Variants in CNTN3 observed in about 807,000 individuals in gnomAD.
The protein encoded by CNTN3 is contactin-3.
In CNTN3, 60 loss-of-function variants were observed where a neutral mutation model predicts 119.1. The ratio of observed to expected loss-of-function variants is 0.50; its 90% CI spans 0.41 to 0.62. The LOEUF is 0.62. Ranked by LOEUF, CNTN3 falls within the 20% of genes least tolerant of loss-of-function variation. The pLI, the probability that CNTN3 is intolerant of heterozygous loss-of-function variation, is 0.00. For missense variants in CNTN3, 1,101 were observed against 1,242.4 expected (o/e 0.89, Z 1.71); for synonymous variants, 450 against 438.7 (o/e 1.03, Z -0.32).
At chr3:74,543,992 T>G (rs930568167) in intron 1 of CNTN3, among the ~76,000 whole-genome samples, 1 of 152,226 alleles carries the variant, frequency 6.6e-6, no homozygotes, top group Non-Finnish European at 1.5e-5. Flanking sequence ...TTTAATCATA[T>G]TTGAATGACA....
chr3:74,509,313 CTTTTTTT>C (rs11318453), intron 2 of CNTN3, among the ~76,000 whole-genome samples: 2 of 117,148 alleles, frequency 1.7e-5, no homozygotes, highest in Non-Finnish European at 3.6e-5. Flanking sequence ...CCTTTCCTTT[CTTTTTTT>C]TTTTTTTTTT....
chr3:74,584,002 A>C (rs1319079477), intron 1 of CNTN3, among the ~76,000 whole-genome samples: 1 of 152,126 alleles, frequency 6.6e-6, no homozygotes, highest in Non-Finnish European at 1.5e-5. Context: ...CAGCTTTTTC[A>C]TTTGGACAAA....
chr3:74,451,227 C>A (rs991126936), intron 4 of CNTN3, among the ~76,000 whole-genome samples: 4 of 152,272 alleles, frequency 2.6e-5, no homozygotes, highest in African/African-American at 7.2e-5. Context: ...GAGATGGTAT[C>A]CCATTGCGGT....
At chr3:74,354,446 G>A (rs184039682) in intron 11 of CNTN3, among the ~76,000 whole-genome samples, 2 of 152,122 alleles carry the variant, frequency 1.3e-5, no homozygotes, top group Admixed American at 6.5e-5. Context: ...CACAAACCAC[G>A]TCTGTTCTCA....
chr3:74,334,978 C>T (rs771881106), intron 12 of CNTN3, 68 bp from the exon 13 acceptor site: 4 of 1,202,330 alleles, frequency 3.3e-6, no homozygotes, highest in Non-Finnish European at 4.8e-6. Flanking sequence ...CACAGGCAGA[C>T]TGTTCATCTA....
chr3:74,474,698 A>G (rs1245654549), intron 4 of CNTN3, among the ~76,000 whole-genome samples: 1 of 152,038 alleles, frequency 6.6e-6, no homozygotes, highest in Non-Finnish European at 1.5e-5. Flanking sequence ...TTCAGTTTGG[A>G]TGTGTGTCCT....
At chr3:74,444,696 A>C (rs1297790240) in intron 4 of CNTN3, among the ~76,000 whole-genome samples, 2 of 152,138 alleles carry the variant, frequency 1.3e-5, no homozygotes, top group Non-Finnish European at 1.5e-5. Flanking sequence ...AGTTTAATGA[A>C]GGTTTGGTCT....
intron 5 of CNTN3, among the ~76,000 whole-genome samples, chr3:74,404,365 G>C (rs1190949138): frequency 6.6e-6 from 1 of 151,978 alleles, no homozygotes; most frequent in African/African-American, 2.4e-5. Flanking sequence ...ATAAATAAAA[G>C]GAAAGGAAGA....
chr3:74,475,116 T>C (rs565725526), intron 4 of CNTN3, among the ~76,000 whole-genome samples: 3 of 152,294 alleles, frequency 2.0e-5, no homozygotes, highest in Non-Finnish European at 4.4e-5. Context: ...CTAATACATG[T>C]GCCTTCTCTG....
At chr3:74,415,234 G>A (rs1417306612) in intron 5 of CNTN3, among the ~76,000 whole-genome samples, 1 of 152,082 alleles carries the variant, frequency 6.6e-6, no homozygotes. Context: ...AAACTGGAAG[G>A]CGGAAGTGTG....
At chr3:74,362,087 C>T (rs1418567287) in intron 10 of CNTN3, 47 bp from the exon 11 acceptor site, 2 of 1,593,060 alleles carry the variant, frequency 1.3e-6, no homozygotes, top group Non-Finnish European at 1.7e-6. Flanking sequence ...ATTTACAAAA[C>T]TTCTTGTCAA....
intron 11 of CNTN3, among the ~76,000 whole-genome samples, chr3:74,344,562 AT>A (rs62777962): frequency 0.78 from 116,678 of 150,102 alleles, 45,534 homozygotes; most frequent in Admixed American, 0.85. Flanking sequence ...GGTTCACGCC[AT>A]TCTCCTGCCT....
chr3:74,350,458 A>G (rs1180749827), intron 11 of CNTN3, among the ~76,000 whole-genome samples: 5 of 152,182 alleles, frequency 3.3e-5, no homozygotes, highest in Non-Finnish European at 7.4e-5. Flanking sequence ...AAGGGAACAC[A>G]TATACTGCTA....
At chr3:74,590,723 C>T (rs776428543) in intron 1 of CNTN3, among the ~76,000 whole-genome samples, 5 of 151,998 alleles carry the variant, frequency 3.3e-5, no homozygotes, top group Admixed American at 2.6e-4. Context: ...TAATTATTTG[C>T]ATTATCTTAA....
At chr3:74,489,035 T>G (rs1702912090) in intron 3 of CNTN3, among the ~76,000 whole-genome samples, 1 of 152,116 alleles carries the variant, frequency 6.6e-6, no homozygotes, top group Non-Finnish European at 1.5e-5. Context: ...TTCATCTTAT[T>G]CCATCCCAAG....
rs112778628 is a variant in CNTN3, at chr3:74,271,134, T to C, written c.2705-3756A>G. On this transcript the variant is annotated intron_variant, in intron 20 of 22. Transcript: ENST00000263665. ...AGATACTTGCCTGAAAACAAGTGATTACTATCATATAACCATGATTAGATG... is the reference window on the plus strand; with the variant it reads ...AGATACTTGCCTGAAAACAAGTGATCACTATCATATAACCATGATTAGATG... 6.3e-4 allele frequency among the ~76,000 whole-genome samples: 96 copies of C among 152,302 alleles called. 2 individuals carry two copies. Among genetic ancestry groups the C allele is most frequent in the African/African-American group, 2.2e-3 (92 of 41,570 alleles).
At chr3:74,506,468 G>T (rs1703261776) in intron 2 of CNTN3, among the ~76,000 whole-genome samples, 1 of 152,050 alleles carries the variant, frequency 6.6e-6, no homozygotes, top group Admixed American at 6.6e-5. Flanking sequence ...AGATGGGTTG[G>T]AGTCTTGGGA....
chr3:74,467,785 C>T (rs987701106), intron 4 of CNTN3, among the ~76,000 whole-genome samples: 2 of 152,086 alleles, frequency 1.3e-5, no homozygotes, highest in Non-Finnish European at 2.9e-5. Context: ...CAAGAAATTG[C>T]TTTTTAGAGT....
chr3:74,353,474 A>G (rs1381255067), intron 11 of CNTN3, among the ~76,000 whole-genome samples: 1 of 152,168 alleles, frequency 6.6e-6, no homozygotes, highest in Admixed American at 6.5e-5. Flanking sequence ...ATTAAGGCAT[A>G]GGCCGGGTGC....
Sources: gnomAD v4.1 joint callset for allele counts (sites outside exome capture counted in the v4.1 genomes callset) on GRCh38, gnomAD v4.1.1 for gene constraint, MANE v1.5 for transcripts, NCBI Gene and HGNC (gene_info 2026-07-23, HGNC 2026-07-21) for gene names.